The following DOCK11 variants were observed in gnomAD, a reference collection of about 807,000 sequenced individuals.
DOCK11 encodes dedicator of cytokinesis 11.
Under a neutral mutation model 169.1 loss-of-function variants are expected in DOCK11, and 70 were observed. That is an observed-to-expected ratio of 0.41 (90% CI 0.34 to 0.51). The LOEUF (loss-of-function observed/expected upper bound fraction) is 0.51. Among genes scored for constraint, DOCK11 ranks in the 20% least tolerant of loss-of-function variants. The probability of loss-of-function intolerance (pLI) is 0.10; values close to 1 mark genes in which losing one functional copy is unlikely to be tolerated. For synonymous variants in DOCK11, 529 were observed against 541.3 expected, an observed-to-expected ratio of 0.98 and a Z score of 0.32; for missense variants, 1,166 against 1,538.8, an observed-to-expected ratio of 0.76 and a Z score of 4.05.
intron 46 of DOCK11, among the ~76,000 whole-genome samples, chrX:118,673,789 A>G (rs1485414679): frequency 9.0e-6 from 1 of 111,184 alleles, no homozygotes; most frequent in Non-Finnish European, 1.9e-5. Flanking sequence ...AACACTCCAT[A>G]CCCATTAAGT....
At chrX:118,582,068 T>G (rs1212016348) in intron 14 of DOCK11, among the ~76,000 whole-genome samples, 2 of 109,295 alleles carry the variant, frequency 1.8e-5, no homozygotes, top group Non-Finnish European at 3.8e-5. Flanking sequence ...AGGCGGAGGT[T>G]GCAGTGAGCC....
At chrX:118,611,210 A>G (rs1444115751) in intron 28 of DOCK11, among the ~76,000 whole-genome samples, 1 of 112,203 alleles carries the variant, frequency 8.9e-6, no homozygotes, top group Non-Finnish European at 1.9e-5. Context: ...TTTTCTCCAC[A>G]TCCTCACCAA....
chrX:118,528,769 T>C (rs1380744382), intron 1 of DOCK11, among the ~76,000 whole-genome samples: 1 of 85,654 alleles, frequency 1.2e-5, no homozygotes, highest in Non-Finnish European at 2.1e-5. Flanking sequence ...TGGGAAGAGG[T>C]AAGAAAATGT....
chrX:118,543,083 C>A, intron 3 of DOCK11, 68 bp downstream of exon 3: 2 of 822,468 alleles, frequency 2.4e-6, no homozygotes, highest in Non-Finnish European at 3.4e-6. Context: ...ATTTATATGT[C>A]TTTATGTATT....
At chrX:118,513,327 C>T (rs989757024) in intron 1 of DOCK11, among the ~76,000 whole-genome samples, 1 of 112,409 alleles carries the variant, frequency 8.9e-6, no homozygotes, top group African/African-American at 3.2e-5. Flanking sequence ...TTCTGGAAAT[C>T]CAGTGGCCTG....
intron 13 of DOCK11, 107 bp downstream of exon 13, chrX:118,578,754 T>C (rs2013534761): frequency 3.9e-6 from 3 of 767,841 alleles, no homozygotes; most frequent in African/African-American, 4.2e-5. Context: ...TCTGAAAACA[T>C]TGTATACTGT....
chrX:118,606,465 A>G (rs1397183067), intron 24 of DOCK11, among the ~76,000 whole-genome samples: 1 of 112,879 alleles, frequency 8.9e-6, no homozygotes, highest in African/African-American at 3.2e-5. Context: ...GCCCCAAGCC[A>G]TCAATTTTTA....
intron 52 of DOCK11, among the ~76,000 whole-genome samples, chrX:118,685,185 A>G (rs1464819201): frequency 1.8e-5 from 2 of 112,300 alleles, no homozygotes; most frequent in Non-Finnish European, 3.8e-5. Context: ...TTCTGTATCA[A>G]TTAGCTTATA....
At chrX:118,647,261 C>T (rs770899248) in intron 40 of DOCK11, among the ~76,000 whole-genome samples, 4 of 102,990 alleles carry the variant, frequency 3.9e-5, no homozygotes, top group African/African-American at 1.1e-4. Flanking sequence ...TTTCTCAGCA[C>T]GTTGATGTTC....
chrX:118,511,127 A>G (rs1251664415), intron 1 of DOCK11, among the ~76,000 whole-genome samples: 1 of 111,858 alleles, frequency 8.9e-6, no homozygotes, highest in Non-Finnish European at 1.9e-5. Flanking sequence ...CTAATTGGCC[A>G]CGGCCATATT....
At chrX:118,578,917 G>A (rs1432222241) in intron 13 of DOCK11, among the ~76,000 whole-genome samples, 3 of 111,873 alleles carry the variant, frequency 2.7e-5, no homozygotes, top group South Asian at 3.7e-4. Context: ...GACAATAGCC[G>A]TTCTTTTCCT....
chrX:118,537,558 C>T lies in DOCK11; in HGVS notation c.103-5167C>T, dbSNP rs2011802599. Among the ~76,000 whole-genome samples the T allele has an allele frequency of 1.8e-5, 2 of 111,919 alleles. 1 individual carries two copies. The highest frequency in any genetic ancestry group is 7.3e-4 in the South Asian group (2 of 2,727). The stretch of plus-strand genomic sequence containing the variant: ...CATTTCTAATGATAACATAAATATG[C>T]CTGCTAGTCAAATGTGCTTTTGGAT... On this transcript the variant is annotated intron_variant, in intron 1 of 52. Transcript: ENST00000276202.
chrX:118,517,424 C>T (rs1383844269), intron 1 of DOCK11, among the ~76,000 whole-genome samples: 1 of 106,184 alleles, frequency 9.4e-6, no homozygotes, highest in Non-Finnish European at 1.9e-5. Flanking sequence ...GTGCCTATCT[C>T]GGATGGTGGG....
chrX:118,581,542 G>A (rs1239742332), intron 14 of DOCK11, among the ~76,000 whole-genome samples: 2 of 111,318 alleles, frequency 1.8e-5, no homozygotes, highest in African/African-American at 6.5e-5. Flanking sequence ...AGTGGCTCAC[G>A]CCTGTAATCC....
rs931030983 is a variant in DOCK11, at chrX:118,616,110, A to C, written c.3292+399A>C. On this transcript the variant is annotated intron_variant, in intron 30 of 52. Coordinates refer to ENST00000276202, the MANE Select transcript of DOCK11 (RefSeq NM_144658.4). ...TTATGAAATGCCTTCAGTTATCTCCATTGCTAGTTTTATTGAATGCTTTGT... is the reference window on the plus strand; with the variant it reads ...TTATGAAATGCCTTCAGTTATCTCCCTTGCTAGTTTTATTGAATGCTTTGT... 1.0e-5 allele frequency: 5 copies of C among 499,968 alleles called. No individual in the cohort carries two copies. The Admixed American group carries it at 2.5e-4, about 25-fold the overall frequency. The allele number at this position is 499,968 out of a possible 1,213,427, so 41.2% of individuals were successfully genotyped here.
At chrX:118,609,178 G>A (rs2014613774) in intron 26 of DOCK11, 100 bp from the exon 27 acceptor site, 5 of 574,881 alleles carry the variant, frequency 8.7e-6, no homozygotes, top group South Asian at 8.6e-5. Flanking sequence ...ACTTGAAAAT[G>A]TTAGTAAAAT....
intron 1 of DOCK11, among the ~76,000 whole-genome samples, chrX:118,515,546 T>G (rs2057677377): frequency 9.0e-6 from 1 of 111,349 alleles, no homozygotes; most frequent in East Asian, 2.8e-4. Flanking sequence ...TTATTTCACG[T>G]CTGTAAAGAC....
At chrX:118,538,844 A>G (rs186038539) in intron 1 of DOCK11, 1 of 151,407 alleles carries the variant, frequency 6.6e-6, no homozygotes, top group East Asian at 2.6e-4. Context: ...AAGTCTAATA[A>G]TAGAATGAGA....
At chrX:118,567,486 G>A (rs191689325) in intron 9 of DOCK11, among the ~76,000 whole-genome samples, 1 of 103,726 alleles carries the variant, frequency 9.6e-6, no homozygotes, top group Admixed American at 1.1e-4. Flanking sequence ...AGGCTGGAGT[G>A]CAGTAGCACG....
Sources: allele counts gnomAD v4.1 joint callset (sites outside exome capture counted in the v4.1 genomes callset), GRCh38; gene constraint gnomAD v4.1.1; transcripts MANE v1.5; gene names NCBI Gene and HGNC (gene_info 2026-07-23, HGNC 2026-07-21).